The following MYO10 variants were observed in gnomAD, a reference collection of about 807,000 sequenced individuals.
MYO10 encodes the protein unconventional myosin-X.
Under a neutral mutation model 257.3 loss-of-function variants are expected in MYO10, and 133 were observed. The ratio of observed to expected loss-of-function variants is 0.52; its 90% CI spans 0.45 to 0.60. The LOEUF is 0.60. MYO10 is among the 20% of genes least tolerant of loss of function. The pLI is 0.00. For missense variants in MYO10, 2,399 were observed against 2,635.7 expected, an observed-to-expected ratio of 0.91 and a Z score of 1.97; for synonymous variants, 1,104 against 1,028.6, an observed-to-expected ratio of 1.07 and a Z score of -1.40.
chr5:16,720,003 T>C (rs772251228), intron 19 of MYO10, among the ~76,000 whole-genome samples: 6 of 149,440 alleles, frequency 4.0e-5, no homozygotes, highest in Admixed American at 2.6e-4. Flanking sequence ...TGTGTGTGTG[T>C]GTGTGTGTGT....
chr5:16,863,553 A>C (rs1156553571), intron 2 of MYO10, among the ~76,000 whole-genome samples: 2 of 152,148 alleles, frequency 1.3e-5, no homozygotes, highest in Non-Finnish European at 2.9e-5. Flanking sequence ...GTAGCTCATA[A>C]TGTTTGCCAC....
chr5:16,770,394 T>C (rs1374674277), intron 9 of MYO10, among the ~76,000 whole-genome samples: 2 of 152,184 alleles, frequency 1.3e-5, no homozygotes, highest in Non-Finnish European at 2.9e-5. Context: ...GAAGTTAACA[T>C]AATGCTGTTT....
At chr5:16,857,332 A>G (rs1319663213) in intron 2 of MYO10, among the ~76,000 whole-genome samples, 1 of 152,216 alleles carries the variant, frequency 6.6e-6, no homozygotes, top group Admixed American at 6.5e-5. Context: ...CGGCAGCAGC[A>G]GTTGAAAAAG....
chr5:16,673,745 C>G lies in MYO10; in HGVS notation c.5109G>C (p.Thr1703=), dbSNP rs561692106. The change falls in exon 36 of 41, where the codon ACG becomes ACC. Residue 1703 remains threonine (T), a synonymous_variant. Transcript: ENST00000513610. ...ALIHRQEMTS[T]VYCHGGGSCK... ...AGGAGCCGCCGCCATGGCAATAGAC[C>G]GTGGATGTCATTTCCTGCCTGTGGA... 1.7e-4 allele frequency: 281 copies of G among 1,613,930 alleles called. 6 individuals carry two copies. In the South Asian group the frequency reaches 2.9e-3, roughly 17 times the overall value.
chr5:16,756,881 G>T (rs1022257722), intron 18 of MYO10, among the ~76,000 whole-genome samples: 1 of 151,858 alleles, frequency 6.6e-6, no homozygotes, highest in African/African-American at 2.4e-5. Flanking sequence ...CAGGAGGATC[G>T]CTGGAGGCCA....
At chr5:16,855,834 A>G (rs540665254) in intron 2 of MYO10, among the ~76,000 whole-genome samples, 61 of 152,362 alleles carry the variant, frequency 4.0e-4, no homozygotes, top group African/African-American at 1.4e-3. Flanking sequence ...AGATGGATGC[A>G]TTTTAGAACA....
At chr5:16,793,512 G>A (rs957413396) in intron 4 of MYO10, among the ~76,000 whole-genome samples, 2 of 152,038 alleles carry the variant, frequency 1.3e-5, no homozygotes, top group African/African-American at 4.8e-5. Flanking sequence ...TAGTAGAAAT[G>A]GGGTTTCATC....
At chr5:16,874,811 A>T (rs999274633) in intron 2 of MYO10, among the ~76,000 whole-genome samples, 3 of 152,170 alleles carry the variant, frequency 2.0e-5, no homozygotes, top group African/African-American at 7.2e-5. Flanking sequence ...ATTTTCGGGT[A>T]TCTTTCCAGC....
At chr5:16,824,726 G>A (rs1186380255) in intron 2 of MYO10, among the ~76,000 whole-genome samples, 1 of 152,056 alleles carries the variant, frequency 6.6e-6, no homozygotes, top group Non-Finnish European at 1.5e-5. Context: ...AATTAGCTGG[G>A]CGTGGTGGCA....
chr5:16,808,961 C>T (rs1335324020), intron 3 of MYO10, among the ~76,000 whole-genome samples: 2 of 151,588 alleles, frequency 1.3e-5, no homozygotes, highest in Non-Finnish European at 2.9e-5. Context: ...TGAGCCACCA[C>T]GCCCAGCCTT....
At chr5:16,850,263 CTTAT>C (rs1303092296) in intron 2 of MYO10, among the ~76,000 whole-genome samples, 7 of 152,146 alleles carry the variant, frequency 4.6e-5, no homozygotes, top group African/African-American at 7.2e-5. Flanking sequence ...CCTCCAGTTG[CTTAT>C]TTATTTATTT....
At chr5:16,866,868 C>G (rs1231754214) in intron 2 of MYO10, among the ~76,000 whole-genome samples, 2 of 152,094 alleles carry the variant, frequency 1.3e-5, no homozygotes, top group Non-Finnish European at 2.9e-5. Flanking sequence ...TTTACTGCCT[C>G]CCTGCTGGTC....
intron 1 of MYO10, among the ~76,000 whole-genome samples, chr5:16,929,937 A>G (rs6867190): frequency 1.3e-5 from 2 of 152,158 alleles, no homozygotes; most frequent in Non-Finnish European, 2.9e-5. Context: ...TAATCAAGGG[A>G]AAAAGTTAGA....
chr5:16,919,856 T>C (rs1170075226), intron 1 of MYO10, among the ~76,000 whole-genome samples: 1 of 152,138 alleles, frequency 6.6e-6, no homozygotes, highest in Non-Finnish European at 1.5e-5. Flanking sequence ...CTCACACCTG[T>C]AATCCCAGCA....
intron 25 of MYO10, among the ~76,000 whole-genome samples, 199 bp downstream of exon 25, chr5:16,700,764 G>A (rs1738008989): frequency 6.6e-6 from 1 of 152,230 alleles, no homozygotes; most frequent in Non-Finnish European, 1.5e-5. Context: ...TGCTAAAACT[G>A]AAACAGGCAC....
rs762485792 is a variant in MYO10, at chr5:16,794,825, G to A, written c.288C>T (p.Ile96=). The A allele has an allele frequency of 3.6e-5, 55 of 1,534,144 alleles. No individual in the cohort carries two copies. The African/African-American group carries it at 5.2e-4, about 15-fold the overall frequency. ...RYKRNQIYTY[I]GSILASVNPY... is the part of the protein sequence containing the mutation. ...GGTTCACGGAGGCCAGGATGGAGCC[G>A]ATGTAGGTCTGCAAGCACAGAGTGA... The change falls in exon 4 of 41, where the codon ATC becomes ATT. Residue 96 remains isoleucine (I), a synonymous_variant. Transcript: ENST00000513610.
intron 19 of MYO10, among the ~76,000 whole-genome samples, chr5:16,748,275 C>A (rs1341810051): frequency 6.6e-6 from 1 of 152,100 alleles, no homozygotes; most frequent in Non-Finnish European, 1.5e-5. Flanking sequence ...GAGACAGAGT[C>A]TCACTCTCAC....
At chr5:16,737,844 C>A (rs1739867333) in intron 19 of MYO10, among the ~76,000 whole-genome samples, 1 of 152,150 alleles carries the variant, frequency 6.6e-6, no homozygotes, top group African/African-American at 2.4e-5. Flanking sequence ...ACCTGTCCAG[C>A]TCAAAATGCC....
intron 2 of MYO10, among the ~76,000 whole-genome samples, chr5:16,842,061 G>A (rs1393584588): frequency 2.0e-5 from 3 of 152,118 alleles, no homozygotes; most frequent in Admixed American, 2.0e-4. Context: ...AGAAAAGCAG[G>A]TGGCACAGAT....
Sources: allele counts gnomAD v4.1 joint callset (sites outside exome capture counted in the v4.1 genomes callset), GRCh38; gene constraint gnomAD v4.1.1; transcripts MANE v1.5; gene names NCBI Gene and HGNC (gene_info 2026-07-23, HGNC 2026-07-21).